PREX1: variants seen among roughly 807,000 people sequenced by gnomAD.
PREX1 encodes the protein phosphatidylinositol 3,4,5-trisphosphate-dependent Rac exchanger 1 protein.
A neutral mutation model predicts 198.3 loss-of-function variants in PREX1; 41 were observed. That is an observed-to-expected ratio of 0.21 (90% CI 0.16 to 0.27). The LOEUF (loss-of-function observed/expected upper bound fraction) is 0.27. PREX1 is among the 10% of genes least tolerant of loss of function. The probability of loss-of-function intolerance (pLI) is 1.00; values close to 1 mark genes in which losing one functional copy is unlikely to be tolerated. For missense variants in PREX1, 1,620 were observed against 2,200.7 expected, an observed-to-expected ratio of 0.74 and a Z score of 5.28; for synonymous variants, 843 against 887.2, an observed-to-expected ratio of 0.95 and a Z score of 0.89.
intron 36 of PREX1, 94 bp downstream of exon 36, chr20:48,630,634 C>G: frequency 8.6e-7 from 1 of 1,158,650 alleles, no homozygotes; most frequent in East Asian, 2.4e-5. Flanking sequence ...CTAGAATCTG[C>G]TGGGGCACAA....
At position 48,630,353 on chromosome 20, in the gene PREX1, CCT is replaced by C. The variant is rs147457080; in HGVS notation, c.4593+373_4593+374del. On this transcript the variant is annotated intron_variant, in intron 36 of 39. Coordinates refer to ENST00000371941, the MANE Select transcript of PREX1 (RefSeq NM_020820.4). ...CCCATTCCTCCAGAAAAGCTGGAAG[CCT>C]CTGTTTTTATGGGAAATCTTTTGAT... is the stretch of plus-strand genomic sequence containing the variant. Among the ~76,000 whole-genome samples, 463 of 152,340 alleles carry C rather than the reference CCT, an allele frequency of 3.0e-3. 9 individuals are homozygous for C. The East Asian group carries it at 0.064, about 21-fold the overall frequency.
At chr20:48,872,861 C>T in the PREX1 span, among the ~76,000 whole-genome samples, 1 of 152,210 alleles carries the variant, frequency 6.6e-6, no homozygotes, top group Non-Finnish European at 1.5e-5. Flanking sequence ...GCTCCTGAGT[C>T]AGCCCTTTCA....
rs544803142 is a variant in PREX1 at position 48,627,380 on chromosome 20, T to C, written c.4937+168A>G. Among the ~76,000 whole-genome samples, 4 of 151,460 alleles carry C rather than the reference T, an allele frequency of 2.6e-5. No individual in the cohort carries two copies. The East Asian group carries it at 7.8e-4, about 30-fold the overall frequency. ...CTTCCCGGTGGGAGCAGGAGCTCCT[T>C]TGGGAGGTGACAAAGTTGTGTCTGT... On this transcript the variant is annotated intron_variant, in intron 39 of 39. Transcript: ENST00000371941.
At chr20:48,820,752 C>T (rs1386600906) in intron 1 of PREX1, among the ~76,000 whole-genome samples, 2 of 152,130 alleles carry the variant, frequency 1.3e-5, no homozygotes, top group Non-Finnish European at 2.9e-5. Flanking sequence ...TAGAGGCCAG[C>T]GATGCTGCTA....
Position 48,625,914 on chromosome 20 carries a change from A to G in PREX1, c.4951T>C (p.Cys1651Arg). 6.4e-7 allele frequency: 1 copy of G among 1,561,042 alleles called. No individual in the cohort carries two copies. Residue 1651 changes from cysteine to arginine, a missense_variant, in exon 40 of 40, where the codon TGC becomes CGC. Coordinates refer to ENST00000371941, the MANE Select transcript of PREX1 (RefSeq NM_020820.4). ...PQGAPRLYRL[C>R]QPPVDGDL The stretch of plus-strand genomic sequence containing the variant: ...AGGTCCCCATCCACCGGCGGCTGGC[A>G]GAGGCGGTAGAGGCTGGGGATGGAG...
chr20:48,840,359 A>AT, the PREX1 span, among the ~76,000 whole-genome samples: 1 of 152,016 alleles, frequency 6.6e-6, no homozygotes, highest in South Asian at 2.1e-4. Context: ...AAAAAAGAAA[A>AT]AAAAAAGCAT....
intron 6 of PREX1, among the ~76,000 whole-genome samples, chr20:48,705,208 C>T (rs527334930): frequency 2.6e-5 from 4 of 152,234 alleles, no homozygotes; most frequent in Non-Finnish European, 4.4e-5. Flanking sequence ...TCTCTCCCCA[C>T]GGAGGGGGTT....
At chr20:48,788,510 C>A (rs369068855) in intron 1 of PREX1, among the ~76,000 whole-genome samples, 1 of 152,154 alleles carries the variant, frequency 6.6e-6, no homozygotes, top group Non-Finnish European at 1.5e-5. Context: ...GCTCATCCCC[C>A]ACCTGAGGCA....
chr20:48,651,599 G>T lies in PREX1; in HGVS notation c.2468-16C>A. 1 of 1,610,136 alleles carries T rather than the reference G, an allele frequency of 6.2e-7. No homozygotes were observed. Among genetic ancestry groups the T allele is most frequent in the Non-Finnish European group, 8.5e-7 (1 of 1,178,008 alleles). ...AGTGGGAAGGCTGGAAGCCAAAAGA[G>T]GTGACATCTGAGCAGAGATCAGAGG... On this transcript the variant is annotated splice_polypyrimidine_tract_variant and intron_variant, in intron 21 of 39. Coordinates refer to ENST00000371941, the MANE Select transcript of PREX1 (RefSeq NM_020820.4).
At chr20:48,839,966 G>C in the PREX1 span, among the ~76,000 whole-genome samples, 5 of 152,132 alleles carry the variant, frequency 3.3e-5, no homozygotes, top group Admixed American at 6.5e-5. Flanking sequence ...CATTACATTT[G>C]ACCCTTTATA....
chr20:48,760,998 T>C (rs1026849611), intron 1 of PREX1, among the ~76,000 whole-genome samples: 2 of 152,074 alleles, frequency 1.3e-5, no homozygotes, highest in African/African-American at 4.8e-5. Flanking sequence ...AAATGGCAGG[T>C]AGGAATGATT....
intron 6 of PREX1, among the ~76,000 whole-genome samples, chr20:48,704,415 T>G (rs759760563): frequency 1.3e-5 from 2 of 152,210 alleles, no homozygotes; most frequent in Non-Finnish European, 2.9e-5. Context: ...TCCTCACTCC[T>G]GTTTCCTTCT....
intron 14 of PREX1, among the ~76,000 whole-genome samples, chr20:48,675,678 G>A (rs1330367610): frequency 1.3e-5 from 2 of 152,212 alleles, no homozygotes; most frequent in African/African-American, 4.8e-5. Flanking sequence ...AAGGTCTGTG[G>A]TTGGGTAGTG....
At chr20:48,719,059 C>G (rs2089974349) in intron 5 of PREX1, among the ~76,000 whole-genome samples, 1 of 152,244 alleles carries the variant, frequency 6.6e-6, no homozygotes, top group Non-Finnish European at 1.5e-5. Flanking sequence ...ATCTTCACAG[C>G]AAGCCTGGGA....
chr20:48,696,591 T>C (rs1359253768), intron 7 of PREX1, among the ~76,000 whole-genome samples: 2 of 147,952 alleles, frequency 1.4e-5, no homozygotes, highest in African/African-American at 2.6e-5. Context: ...AGTCAGCTGA[T>C]CATTTACACA....
intron 2 of PREX1, 95 bp from the exon 3 acceptor site, chr20:48,745,242 T>G: frequency 7.3e-7 from 1 of 1,377,010 alleles, no homozygotes; most frequent in Non-Finnish European, 9.8e-7. Flanking sequence ...GCGGGTGACA[T>G]TGTAGTCAAA....
the PREX1 span, among the ~76,000 whole-genome samples, chr20:48,882,501 CAAAAAAA>C: frequency 1.9e-4 from 13 of 66,878 alleles, no homozygotes; most frequent in South Asian, 6.2e-3. Flanking sequence ...GACTCCGTCT[CAAAAAAA>C]AAAAAAAAAA....
At chr20:48,723,740 T>G (rs1424168308) in intron 5 of PREX1, among the ~76,000 whole-genome samples, 1 of 152,180 alleles carries the variant, frequency 6.6e-6, no homozygotes, top group African/African-American at 2.4e-5. Flanking sequence ...TCTGTTCTCC[T>G]GGGAATCCAG....
chr20:48,784,885 G>T (rs1454645839), intron 1 of PREX1, among the ~76,000 whole-genome samples: 2 of 151,920 alleles, frequency 1.3e-5, no homozygotes, highest in South Asian at 2.1e-4. Flanking sequence ...AAATGGGTAG[G>T]TTCTTCCAGA....
Sources: gnomAD v4.1 joint callset for allele counts (sites outside exome capture counted in the v4.1 genomes callset) on GRCh38, gnomAD v4.1.1 for gene constraint, MANE v1.5 for transcripts, NCBI Gene and HGNC (gene_info 2026-07-23, HGNC 2026-07-21) for gene names.